The following CYP19A1 variants were observed in gnomAD, a reference collection of about 807,000 sequenced individuals.
The protein encoded by CYP19A1 is aromatase.
In CYP19A1, 32 loss-of-function variants were observed where a neutral mutation model predicts 44.4. The ratio of observed to expected loss-of-function variants is 0.72; its 90% CI spans 0.54 to 0.97. CYP19A1 has a LOEUF of 0.97. Ranked by LOEUF, CYP19A1 falls within the 50% of genes least tolerant of loss-of-function variation. The pLI, the probability that CYP19A1 is intolerant of heterozygous loss-of-function variation, is 0.00. For synonymous variants in CYP19A1, 212 were observed against 215.6 expected, an observed-to-expected ratio of 0.98 and a Z score of 0.14; for missense variants, 598 against 637.8, an observed-to-expected ratio of 0.94 and a Z score of 0.67.
At chr15:51,229,112 T>C (rs1321870241) in intron 3 of CYP19A1, among the ~76,000 whole-genome samples, 1 of 152,236 alleles carries the variant, frequency 6.6e-6, no homozygotes. Context: ...GGTTGTGGGC[T>C]AAGTATTAAT....
At chr15:51,211,151 A>C in intron 9 of CYP19A1, 95 bp from the exon 10 acceptor site, 1 of 846,904 alleles carries the variant, frequency 1.2e-6, no homozygotes. Context: ...CAGTCAGAAC[A>C]CTGTTTTGGG....
At chr15:51,281,326 C>A (rs2035509660) in intron 1 of CYP19A1, among the ~76,000 whole-genome samples, 1 of 152,202 alleles carries the variant, frequency 6.6e-6, no homozygotes, top group Admixed American at 6.5e-5. Context: ...AGAGGCTATA[C>A]CAGATGTTTG....
chr15:51,274,277 T>C (rs1032084368), intron 1 of CYP19A1, among the ~76,000 whole-genome samples: 1 of 152,172 alleles, frequency 6.6e-6, no homozygotes, highest in Non-Finnish European at 1.5e-5. Flanking sequence ...TTATTACCGA[T>C]TTTTGTACAA....
intron 1 of CYP19A1, among the ~76,000 whole-genome samples, chr15:51,338,150 G>A (rs2036807245): frequency 6.6e-6 from 1 of 152,168 alleles, no homozygotes; most frequent in Admixed American, 6.5e-5. Flanking sequence ...GGGGTGGGAG[G>A]TGGGGAAATG....
intron 1 of CYP19A1, among the ~76,000 whole-genome samples, chr15:51,251,965 T>C (rs966948590): frequency 6.6e-6 from 1 of 152,164 alleles, no homozygotes; most frequent in Non-Finnish European, 1.5e-5. Context: ...TCTCTGTATC[T>C]CTGTGTCTGC....
chr15:51,261,963 C>T (rs767674366), intron 1 of CYP19A1, among the ~76,000 whole-genome samples: 11 of 152,210 alleles, frequency 7.2e-5, no homozygotes, highest in Non-Finnish European at 1.0e-4. Flanking sequence ...TGGGAACAGG[C>T]CCCCAAATCT....
chr15:51,333,927 T>A (rs1415042868), intron 1 of CYP19A1, among the ~76,000 whole-genome samples: 4 of 152,214 alleles, frequency 2.6e-5, no homozygotes, highest in Admixed American at 1.3e-4. Context: ...ACTTTTTTTT[T>A]AGGACCTATA....
intron 1 of CYP19A1, among the ~76,000 whole-genome samples, chr15:51,327,315 G>A (rs1403291574): frequency 6.6e-6 from 1 of 152,028 alleles, no homozygotes; most frequent in African/African-American, 2.4e-5. Flanking sequence ...TAAAGCCAAG[G>A]CACCATTAGG....
At chr15:51,294,330 G>C (rs371107032) in intron 1 of CYP19A1, among the ~76,000 whole-genome samples, 91 of 143,030 alleles carry the variant, frequency 6.4e-4, no homozygotes, top group South Asian at 2.5e-3. Flanking sequence ...CCGCCGCCCC[G>C]TCTGGGATGT....
intron 1 of CYP19A1, among the ~76,000 whole-genome samples, chr15:51,259,393 G>C (rs749039489): frequency 5.9e-5 from 9 of 152,234 alleles, no homozygotes; most frequent in Non-Finnish European, 1.3e-4. Flanking sequence ...AGAGAAACCA[G>C]ATTGTTTTCA....
chr15:51,230,433 T>C (rs760941840), intron 3 of CYP19A1, among the ~76,000 whole-genome samples: 9 of 152,220 alleles, frequency 5.9e-5, no homozygotes, highest in East Asian at 1.9e-4. Context: ...TTAAGCATGA[T>C]TGAAGATAAA....
intron 1 of CYP19A1, among the ~76,000 whole-genome samples, chr15:51,306,541 A>T (rs1275665032): frequency 2.0e-5 from 3 of 152,182 alleles, no homozygotes; most frequent in East Asian, 3.9e-4. Flanking sequence ...CTTAAAAAAA[A>T]CCCTTTATCT....
At chr15:51,301,514 G>A (rs187624638) in intron 1 of CYP19A1, among the ~76,000 whole-genome samples, 49 of 152,284 alleles carry the variant, frequency 3.2e-4, no homozygotes, top group African/African-American at 1.2e-3. Context: ...CCTCCCAAGG[G>A]GTCTTAGGAT....
intron 1 of CYP19A1, among the ~76,000 whole-genome samples, chr15:51,243,477 G>C (rs2033903159): frequency 6.6e-6 from 1 of 152,160 alleles, no homozygotes; most frequent in Non-Finnish European, 1.5e-5. Flanking sequence ...GCATCGTTGA[G>C]GTCTTCTCAG....
chr15:51,219,785 A>G (rs1412648636), intron 5 of CYP19A1, among the ~76,000 whole-genome samples: 1 of 152,222 alleles, frequency 6.6e-6, no homozygotes. Flanking sequence ...GATCCTTCCT[A>G]ATGAGGCAAG....
At chr15:51,303,477 A>G (rs1392659414) in intron 1 of CYP19A1, among the ~76,000 whole-genome samples, 1 of 152,180 alleles carries the variant, frequency 6.6e-6, no homozygotes, top group Non-Finnish European at 1.5e-5. Context: ...TGAAAACAAC[A>G]TAAACATGTG....
chr15:51,231,479 T>C (rs572857452), intron 3 of CYP19A1, among the ~76,000 whole-genome samples: 3 of 152,220 alleles, frequency 2.0e-5, no homozygotes, highest in Admixed American at 2.0e-4. Context: ...TACCCTTCCC[T>C]GAATCCTCAA....
intron 1 of CYP19A1, among the ~76,000 whole-genome samples, chr15:51,333,064 TGTCATTTG>T (rs1186091991): frequency 3.3e-5 from 5 of 152,216 alleles, no homozygotes; most frequent in African/African-American, 1.2e-4. Context: ...CTGCAGATCT[TGTCATTTG>T]GTTCCAGAAA....
chr15:51,293,532 A>ACGCTCT (rs1253557043), intron 1 of CYP19A1: 1 of 152,248 alleles, frequency 6.6e-6, no homozygotes, highest in Non-Finnish European at 1.5e-5. Flanking sequence ...AATGCCTGAT[A>ACGCTCT]CGCTCTCGCT....
Sources: gnomAD v4.1 joint callset for allele counts (sites outside exome capture counted in the v4.1 genomes callset) on GRCh38, gnomAD v4.1.1 for gene constraint, MANE v1.5 for transcripts, NCBI Gene and HGNC (gene_info 2026-07-23, HGNC 2026-07-21) for gene names.